Variants in HS3ST4 observed in about 807,000 individuals in gnomAD.
The protein encoded by HS3ST4 is heparan sulfate-glucosamine 3-sulfotransferase 4, also known as heparan sulfate glucosamine 3-O-sulfotransferase 4.
In HS3ST4, 17 loss-of-function variants were observed where a neutral mutation model predicts 29.2. The ratio of observed to expected loss-of-function variants is 0.58; its 90% CI spans 0.40 to 0.87. The LOEUF (loss-of-function observed/expected upper bound fraction) is 0.87, where lower values mean the gene tolerates loss of function less well. HS3ST4 is among the 40% of genes least tolerant of loss of function. HS3ST4 has a pLI of 0.00. For synonymous variants in HS3ST4, 314 were observed against 285.7 expected, an observed-to-expected ratio of 1.10 and a Z score of -1.00; for missense variants, 627 against 634.5, an observed-to-expected ratio of 0.99 and a Z score of 0.13.
Position 25,751,081 on chromosome 16 carries a change from T to C in HS3ST4, c.734+57930T>C, listed in dbSNP as rs115352888. 1.0e-2 allele frequency among the ~76,000 whole-genome samples: 1,520 copies of C among 152,180 alleles called. 27 individuals are homozygous for C. Among genetic ancestry groups the C allele is most frequent in the African/African-American group, 0.035 (1,453 of 41,508 alleles). On this transcript the variant is annotated intron_variant, in intron 1 of 1. Transcript: ENST00000331351. ...GATGTGCTCATAGATACGTAAAGAA[T>C]TGATGAGGAATGCTTAAAACTGCAC...
intron 1 of HS3ST4, among the ~76,000 whole-genome samples, chr16:25,837,983 A>T (rs995600925): frequency 1.4e-4 from 21 of 152,016 alleles, no homozygotes; most frequent in Admixed American, 8.5e-4. Context: ...TGCCATCTTG[A>T]TGTCCATGTT....
chr16:25,899,271 T>A (rs1053472612), intron 1 of HS3ST4, among the ~76,000 whole-genome samples: 2 of 152,232 alleles, frequency 1.3e-5, no homozygotes, highest in African/African-American at 4.8e-5. Flanking sequence ...AATATAAATG[T>A]TCCCCCCATA....
In HS3ST4 at chr16:26,045,424, C is replaced by G. The variant is rs1041618326; in HGVS notation, c.735-90188C>G. Among the ~76,000 whole-genome samples the G allele has an allele frequency of 2.6e-5, 4 of 152,110 alleles. No individual in the cohort carries two copies. In the East Asian group the frequency reaches 7.7e-4, roughly 29 times the overall value. On this transcript the variant is annotated intron_variant, in intron 1 of 1. Coordinates refer to ENST00000331351, the MANE Select transcript of HS3ST4 (RefSeq NM_006040.3). ...GAAGAACTGCTTTTACCCAGAAGAGCCAGAACATATTGAAAACATTATCCC... is the reference window on the plus strand; with the variant it reads ...GAAGAACTGCTTTTACCCAGAAGAGGCAGAACATATTGAAAACATTATCCC...
chr16:26,105,708 G>T lies in HS3ST4; in HGVS notation c.735-29904G>T, dbSNP rs555277933. Among the ~76,000 whole-genome samples, 5 of 152,342 alleles carry T rather than the reference G, an allele frequency of 3.3e-5. No individual in the cohort carries two copies. The South Asian group carries it at 8.3e-4, about 25-fold the overall frequency. On this transcript the variant is annotated intron_variant, in intron 1 of 1. Coordinates refer to ENST00000331351, the MANE Select transcript of HS3ST4 (RefSeq NM_006040.3). ...CTCTCCCTGGTCCTTGGAAAAGCCA[G>T]ACGGGCTTTCGCCCCAGAATGCTGC...
At chr16:25,778,764 G>A (rs1966850050) in intron 1 of HS3ST4, among the ~76,000 whole-genome samples, 1 of 151,974 alleles carries the variant, frequency 6.6e-6, no homozygotes, top group Non-Finnish European at 1.5e-5. Context: ...AGGAGGAGAA[G>A]AAGGAGAAGG....
chr16:25,973,401 A>G (rs1238205558), intron 1 of HS3ST4, among the ~76,000 whole-genome samples: 1 of 152,232 alleles, frequency 6.6e-6, no homozygotes, highest in Non-Finnish European at 1.5e-5. Context: ...AAGCTCAGAA[A>G]AGAAGACATC....
intron 1 of HS3ST4, among the ~76,000 whole-genome samples, chr16:25,828,303 T>C (rs1326756812): frequency 2.5e-4 from 16 of 64,778 alleles, no homozygotes; most frequent in Non-Finnish European, 4.4e-4. Context: ...TTTCTTTCCC[T>C]CTCTCTCTCT....
chr16:25,844,896 C>A (rs1469407393), intron 1 of HS3ST4, among the ~76,000 whole-genome samples: 2 of 152,136 alleles, frequency 1.3e-5, no homozygotes, highest in African/African-American at 4.8e-5. Flanking sequence ...ATGTTCTTTG[C>A]AGGACATGGA....
intron 1 of HS3ST4, among the ~76,000 whole-genome samples, chr16:26,058,332 G>A (rs1045378695): frequency 3.3e-5 from 5 of 152,146 alleles, no homozygotes; most frequent in Non-Finnish European, 7.4e-5. Context: ...AAGAAATCAG[G>A]TCCCAAAGTG....
chr16:26,024,228 GA>G (rs58068324), intron 1 of HS3ST4, among the ~76,000 whole-genome samples: 5,424 of 127,022 alleles, frequency 0.043, 189 homozygotes, highest in African/African-American at 0.11. Flanking sequence ...GTCTCAAAAG[GA>G]AAAAAAAAAA....
intron 1 of HS3ST4, among the ~76,000 whole-genome samples, chr16:26,091,618 C>A (rs1484638433): frequency 6.6e-6 from 1 of 152,142 alleles, no homozygotes; most frequent in Non-Finnish European, 1.5e-5. Context: ...AAGTAAAGTG[C>A]AACCAAGCCA....
chr16:25,950,816 G>A (rs1188522255), intron 1 of HS3ST4, among the ~76,000 whole-genome samples: 6 of 152,070 alleles, frequency 3.9e-5, no homozygotes, highest in Admixed American at 1.3e-4. Flanking sequence ...CCCCACCTCC[G>A]GGGGTTGTCA....
At chr16:26,088,824 T>C (rs1898820184) in intron 1 of HS3ST4, among the ~76,000 whole-genome samples, 1 of 152,236 alleles carries the variant, frequency 6.6e-6, no homozygotes, top group Non-Finnish European at 1.5e-5. Context: ...GTTCTCTCAG[T>C]GTCAGATGCT....
rs1043124569 is a variant in HS3ST4, at chr16:26,123,486, A to T, written c.735-12126A>T. 3.9e-5 allele frequency among the ~76,000 whole-genome samples: 6 copies of T among 152,186 alleles called. No individual in the cohort carries two copies. In the East Asian group the frequency reaches 9.7e-4, roughly 25 times the overall value. On this transcript the variant is annotated intron_variant, in intron 1 of 1. Coordinates refer to ENST00000331351, the MANE Select transcript of HS3ST4 (RefSeq NM_006040.3). ...TGTGAGTCCTAAGAGATAACGAGAG[A>T]CCTCTCAAACAATTTGTACTATTTC...
intron 1 of HS3ST4, among the ~76,000 whole-genome samples, chr16:25,919,704 A>C (rs1968328057): frequency 2.0e-5 from 3 of 152,180 alleles, no homozygotes; most frequent in Admixed American, 2.0e-4. Flanking sequence ...GAATTAGGGA[A>C]ATAGGTGTCA....
intron 1 of HS3ST4, among the ~76,000 whole-genome samples, chr16:26,132,980 A>G (rs980556680): frequency 2.0e-5 from 3 of 152,218 alleles, no homozygotes; most frequent in African/African-American, 7.2e-5. Flanking sequence ...TCCTATACTC[A>G]GGCTGAGCTA....
At chr16:25,869,903 A>G (rs1437269473) in intron 1 of HS3ST4, among the ~76,000 whole-genome samples, 6 of 152,284 alleles carry the variant, frequency 3.9e-5, no homozygotes, top group Admixed American at 1.3e-4. Flanking sequence ...AGATGAAGAA[A>G]ATAAGGCTCA....
At chr16:25,732,164 C>T (rs1966573639) in intron 1 of HS3ST4, among the ~76,000 whole-genome samples, 1 of 152,152 alleles carries the variant, frequency 6.6e-6, no homozygotes, top group South Asian at 2.1e-4. Context: ...AAAATCTAAA[C>T]CAATATTGTC....
At chr16:26,065,820 A>C (rs1426173162) in intron 1 of HS3ST4, among the ~76,000 whole-genome samples, 1 of 152,236 alleles carries the variant, frequency 6.6e-6, no homozygotes, top group Non-Finnish European at 1.5e-5. Flanking sequence ...TATAAGTAAG[A>C]AGTGAATCAC....
Sources: gnomAD v4.1 joint callset for allele counts (sites outside exome capture counted in the v4.1 genomes callset) on GRCh38, gnomAD v4.1.1 for gene constraint, MANE v1.5 for transcripts, NCBI Gene and HGNC (gene_info 2026-07-23, HGNC 2026-07-21) for gene names.